The following NOL10 variants were observed in gnomAD, a reference collection of about 807,000 sequenced individuals.
The protein encoded by NOL10 is nucleolar protein 10.
In NOL10, 58 loss-of-function variants were observed where a neutral mutation model predicts 103.5. The ratio of observed to expected loss-of-function variants is 0.56; its 90% CI spans 0.45 to 0.70. The LOEUF (loss-of-function observed/expected upper bound fraction) is 0.70. Ranked by LOEUF, NOL10 falls within the 30% of genes least tolerant of loss-of-function variation. NOL10 has a pLI of 0.00. For missense variants in NOL10, 763 were observed against 807.3 expected (o/e 0.95, Z 0.67); for synonymous variants, 287 against 282.5 (o/e 1.02, Z -0.16).
intron 10 of NOL10, among the ~76,000 whole-genome samples, chr2:10,658,410 C>T (rs1015831782): frequency 1.3e-5 from 2 of 152,040 alleles, no homozygotes; most frequent in African/African-American, 4.8e-5. Flanking sequence ...CCCATGATGA[C>T]AAAGAAAGTA....
intron 14 of NOL10, among the ~76,000 whole-genome samples, chr2:10,605,665 T>G (rs1676213618): frequency 6.6e-6 from 1 of 152,212 alleles, no homozygotes; most frequent in East Asian, 1.9e-4. Flanking sequence ...TAGTAGTTTT[T>G]AAAAAATCCA....
intron 17 of NOL10, among the ~76,000 whole-genome samples, chr2:10,593,207 C>T (rs1439629785): frequency 2.0e-5 from 3 of 149,932 alleles, no homozygotes; most frequent in East Asian, 2.0e-4. Context: ...GGTGTGATCT[C>T]GGCTCACTGC....
At chr2:10,593,937 G>A (rs1005964708) in intron 17 of NOL10, among the ~76,000 whole-genome samples, 1 of 152,204 alleles carries the variant, frequency 6.6e-6, no homozygotes, top group Non-Finnish European at 1.5e-5. Context: ...CATGTGCAGT[G>A]TCCTTCCCCA....
intron 12 of NOL10, among the ~76,000 whole-genome samples, chr2:10,652,777 T>C (rs1020691784): frequency 3.3e-5 from 5 of 152,174 alleles, no homozygotes; most frequent in South Asian, 2.1e-4. Context: ...CAAAACTTTC[T>C]ATCTACAGAC....
intron 13 of NOL10, among the ~76,000 whole-genome samples, chr2:10,616,463 G>T (rs185526729): frequency 6.6e-5 from 10 of 152,040 alleles, no homozygotes; most frequent in Non-Finnish European, 1.5e-4. Flanking sequence ...CAGGTGATCC[G>T]CCCGCCTTGG....
At chr2:10,583,468 G>A (rs1047859936) in intron 19 of NOL10, among the ~76,000 whole-genome samples, 6 of 152,180 alleles carry the variant, frequency 3.9e-5, no homozygotes, top group African/African-American at 7.2e-5. Context: ...TCCTGGGCCC[G>A]ATGGACACTG....
Position 10,675,783 on chromosome 2 carries a change from T to C in NOL10, c.289+11A>G. The C allele has an allele frequency of 6.7e-7, 1 of 1,494,880 alleles. No individual in the cohort carries two copies. The highest frequency in any genetic ancestry group is 9.1e-7 in the Non-Finnish European group (1 of 1,104,016). The allele number at this position is 1,494,880 out of a possible 1,614,324, so 92.6% of individuals were successfully genotyped here. On this transcript the variant is annotated intron_variant, in intron 4 of 20. Coordinates refer to ENST00000381685, the MANE Select transcript of NOL10 (RefSeq NM_024894.4). ...CCATTTTCATGAATTCAAATTTAGC[T>C]TTTTACTCACCTTCTGAATCTAAAC...
chr2:10,655,248 GAAGA>G (rs1286357525), intron 11 of NOL10, among the ~76,000 whole-genome samples: 1 of 148,910 alleles, frequency 6.7e-6, no homozygotes, highest in East Asian at 1.9e-4. Flanking sequence ...AGGAAGGAAG[GAAGA>G]AAGGAAAGAA....
intron 12 of NOL10, among the ~76,000 whole-genome samples, chr2:10,652,165 G>A (rs980294297): frequency 2.6e-5 from 4 of 151,914 alleles, no homozygotes; most frequent in African/African-American, 7.3e-5. Flanking sequence ...GCTTGAATCC[G>A]GGAGGGGGAG....
chr2:10,610,748 C>T (rs1676519725), intron 13 of NOL10, among the ~76,000 whole-genome samples: 1 of 152,136 alleles, frequency 6.6e-6, no homozygotes, highest in Non-Finnish European at 1.5e-5. Context: ...GTCTTTATTG[C>T]CTTCATAGCC....
At chr2:10,591,199 A>G (rs1246887190) in intron 17 of NOL10, among the ~76,000 whole-genome samples, 6 of 152,234 alleles carry the variant, frequency 3.9e-5, no homozygotes, top group African/African-American at 1.4e-4. Flanking sequence ...AGAAAGACTT[A>G]CAACGAAGGG....
At chr2:10,666,654 G>A (rs910875010) in intron 8 of NOL10, among the ~76,000 whole-genome samples, 3 of 151,480 alleles carry the variant, frequency 2.0e-5, no homozygotes, top group South Asian at 2.1e-4. Flanking sequence ...GTTTAGCATC[G>A]TAAGTAATTA....
At chr2:10,629,730 A>G (rs1163652469) in intron 13 of NOL10, among the ~76,000 whole-genome samples, 1 of 152,258 alleles carries the variant, frequency 6.6e-6, no homozygotes, top group African/African-American at 2.4e-5. Flanking sequence ...TTAAGTGATT[A>G]TCAGACTAAA....
At chr2:10,661,491 C>T (rs1680203535) in intron 9 of NOL10, among the ~76,000 whole-genome samples, 1 of 152,056 alleles carries the variant, frequency 6.6e-6, no homozygotes. Context: ...CCTGCCTCAG[C>T]CTCCTGGGTA....
intron 6 of NOL10, 26 bp downstream of exon 6, chr2:10,671,527 AG>A: frequency 6.6e-7 from 1 of 1,513,416 alleles, no homozygotes; most frequent in South Asian, 1.4e-5. Context: ...GGAGGTGAAA[AG>A]GAGAAAAAGG....
chr2:10,625,268 T>C lies in NOL10; in HGVS notation c.1027-17957A>G, dbSNP rs149485738. ...CAAGAGTGGACTCTAATGTAAACTA[T>C]GAACTTCAGGTGGTGATGTGTCAAT... is the stretch of plus-strand genomic sequence containing the variant. On this transcript the variant is annotated intron_variant, in intron 13 of 20. Transcript: ENST00000381685. Among the ~76,000 whole-genome samples the C allele has an allele frequency of 2.3e-4, 35 of 152,260 alleles. No homozygotes were observed. In the East Asian group the frequency reaches 6.4e-3, roughly 28 times the overall value.
intron 3 of NOL10, among the ~76,000 whole-genome samples, chr2:10,681,102 T>G (rs1374601813): frequency 3.9e-5 from 6 of 152,082 alleles, no homozygotes; most frequent in Admixed American, 3.9e-4. Flanking sequence ...AAAATTCCAC[T>G]CCTAGGTATT....
chr2:10,613,218 T>C (rs1045672600), intron 13 of NOL10, among the ~76,000 whole-genome samples: 5 of 152,172 alleles, frequency 3.3e-5, no homozygotes, highest in Non-Finnish European at 5.9e-5. Context: ...ATAAAAATAG[T>C]AGAATGAAAC....
At chr2:10,611,570 C>G (rs1431273863) in intron 13 of NOL10, among the ~76,000 whole-genome samples, 2 of 152,184 alleles carry the variant, frequency 1.3e-5, no homozygotes, top group Admixed American at 1.3e-4. Context: ...CTTCCTGAGC[C>G]CAGGAGTTCA....
Sources: gnomAD v4.1 joint callset for allele counts (sites outside exome capture counted in the v4.1 genomes callset) on GRCh38, gnomAD v4.1.1 for gene constraint, MANE v1.5 for transcripts, NCBI Gene and HGNC (gene_info 2026-07-23, HGNC 2026-07-21) for gene names.